The following RNF121 variants were observed in gnomAD, a reference collection of about 807,000 sequenced individuals.
The protein encoded by RNF121 is E3 ubiquitin ligase RNF121.
Under a neutral mutation model 46.5 loss-of-function variants are expected in RNF121, and 21 were observed. The ratio of observed to expected loss-of-function variants is 0.45; its 90% CI spans 0.32 to 0.65. The LOEUF is 0.65. Among genes scored for constraint, RNF121 ranks in the 30% least tolerant of loss-of-function variants. The pLI, the probability that RNF121 is intolerant of heterozygous loss-of-function variation, is 0.04. For missense variants in RNF121, 346 were observed against 416.0 expected (o/e 0.83, Z 1.46); for synonymous variants, 139 against 144.7 (o/e 0.96, Z 0.28).
At chr11:71,971,483 AAAGAT>A (rs1205664722) in intron 3 of RNF121, among the ~76,000 whole-genome samples, 1 of 152,232 alleles carries the variant, frequency 6.6e-6, no homozygotes, top group African/African-American at 2.4e-5. Flanking sequence ...CTGTTCTGTT[AAAGAT>A]ATGATAGGCA....
In RNF121 at chr11:71,996,471, A is replaced by C; in HGVS notation, c.*156A>C. On this transcript the variant is annotated 3_prime_UTR_variant, in exon 9 of 9. Coordinates refer to ENST00000361756, the MANE Select transcript of RNF121 (RefSeq NM_018320.5). The stretch of plus-strand genomic sequence containing the variant: ...CTGTGTCGGACTGGGGAGGGATATG[A>C]TGGAGAGCCAGCCAGTGGGGCTGTC... 1 of 786,432 alleles carries C rather than the reference A, an allele frequency of 1.3e-6. No individual in the cohort carries two copies. The highest frequency in any genetic ancestry group is 2.0e-6 in the Non-Finnish European group (1 of 511,408). 48.7% of individuals were successfully genotyped at this position (786,432 alleles called of 1,614,324 possible).
At position 71,982,746 on chromosome 11, in the gene RNF121, G is replaced by A. The variant is rs1269465363; in HGVS notation, c.244-15G>A. On this transcript the variant is annotated splice_polypyrimidine_tract_variant and intron_variant, in intron 3 of 8. Coordinates refer to ENST00000361756, the MANE Select transcript of RNF121 (RefSeq NM_018320.5). Reference sequence around the variant, plus strand: ...GGAGCTGGCCAGAGCTGAAGTGCTTGTGTTTGTGTTTCAGATGGTGACCCT... The same window carrying A: ...GGAGCTGGCCAGAGCTGAAGTGCTTATGTTTGTGTTTCAGATGGTGACCCT... 1.2e-6 allele frequency: 2 copies of A among 1,602,106 alleles called. No homozygotes were observed. Among genetic ancestry groups the A allele is most frequent in the Non-Finnish European group, 1.7e-6 (2 of 1,174,552 alleles).
intron 5 of RNF121, among the ~76,000 whole-genome samples, chr11:71,989,673 T>A (rs557376360): frequency 6.6e-6 from 1 of 152,280 alleles, no homozygotes; most frequent in African/African-American, 2.4e-5. Flanking sequence ...AGGTTGCAAA[T>A]TATCGGTCCT....
intron 4 of RNF121, among the ~76,000 whole-genome samples, chr11:71,985,590 G>A (rs1302448341): frequency 6.6e-6 from 1 of 152,160 alleles, no homozygotes; most frequent in Non-Finnish European, 1.5e-5. Flanking sequence ...ATCACTGCTT[G>A]CCTGGCCACA....
At position 71,967,484 on chromosome 11, in the gene RNF121, G is replaced by A. The variant is rs376137866; in HGVS notation, c.243+6593G>A. On this transcript the variant is annotated intron_variant, in intron 3 of 8. Coordinates refer to ENST00000361756, the MANE Select transcript of RNF121 (RefSeq NM_018320.5). ...TCTGCCTCAGCCTCCCAAGTAGCTG[G>A]GACTACAGGTTCATGCCACCACACC... Among the ~76,000 whole-genome samples the A allele has an allele frequency of 2.5e-4, 38 of 151,062 alleles. 1 individual carries two copies. In the South Asian group the frequency reaches 7.5e-3, roughly 30 times the overall value.
At chr11:71,974,467 G>T (rs1254672520) in intron 3 of RNF121, among the ~76,000 whole-genome samples, 16 of 152,168 alleles carry the variant, frequency 1.1e-4, no homozygotes, top group Admixed American at 1.0e-3. Flanking sequence ...CCTCCTAACA[G>T]CTCTGTAAGG....
intron 4 of RNF121, among the ~76,000 whole-genome samples, chr11:71,986,449 C>G (rs547725481): frequency 8.5e-5 from 13 of 152,298 alleles, no homozygotes; most frequent in African/African-American, 2.4e-4. Flanking sequence ...TTTTAGGAAT[C>G]TTTTCCTTGG....
At chr11:71,977,822 G>A (rs1254461592) in intron 3 of RNF121, among the ~76,000 whole-genome samples, 1 of 152,176 alleles carries the variant, frequency 6.6e-6, no homozygotes, top group African/African-American at 2.4e-5. Flanking sequence ...TAATTCATGT[G>A]TTTATATCGC....
intron 1 of RNF121, among the ~76,000 whole-genome samples, chr11:71,942,766 A>G (rs1213449546): frequency 2.0e-5 from 1 of 50,328 alleles, no homozygotes; most frequent in Non-Finnish European, 4.8e-5. Flanking sequence ...AAAAATCTAT[A>G]TATCTGTATA....
intron 6 of RNF121, among the ~76,000 whole-genome samples, chr11:71,992,500 C>CT (rs1234560684): frequency 6.6e-6 from 1 of 152,142 alleles, no homozygotes; most frequent in Admixed American, 6.5e-5. Flanking sequence ...GAACTGAACT[C>CT]TTGTTTCTAT....
intron 3 of RNF121, among the ~76,000 whole-genome samples, chr11:71,966,347 C>A (rs971359592): frequency 1.3e-5 from 2 of 152,134 alleles, no homozygotes; most frequent in African/African-American, 4.8e-5. Context: ...CGAAGTAATA[C>A]ATACCATAGT....
Position 71,960,711 on chromosome 11 carries a change from C to T in RNF121, c.102-39C>T. ...AAGCACTGTCCCTTTATCACTACAGCATCCCTGACTTGATTCACCCCATGT... is the reference window on the plus strand; with the variant it reads ...AAGCACTGTCCCTTTATCACTACAGTATCCCTGACTTGATTCACCCCATGT... On this transcript the variant is annotated intron_variant, in intron 2 of 8. Transcript: ENST00000361756. 1.9e-6 allele frequency: 3 copies of T among 1,597,442 alleles called. No homozygotes were observed. In the Admixed American group the frequency reaches 5.1e-5, roughly 27 times the overall value.
At chr11:71,981,054 CT>C (rs914037506) in intron 3 of RNF121, among the ~76,000 whole-genome samples, 114 of 144,924 alleles carry the variant, frequency 7.9e-4, no homozygotes, top group Admixed American at 8.3e-4. Context: ...TAAATACTTT[CT>C]TTTTTTTTTT....
At chr11:71,989,102 T>G (rs1590814408) in intron 5 of RNF121, among the ~76,000 whole-genome samples, 1 of 114,010 alleles carries the variant, frequency 8.8e-6, no homozygotes. Context: ...TTGTTTGTTT[T>G]GAGATGGAGT....
At chr11:71,966,622 C>T (rs910528524) in intron 3 of RNF121, among the ~76,000 whole-genome samples, 1 of 151,774 alleles carries the variant, frequency 6.6e-6, no homozygotes, top group African/African-American at 2.4e-5. Flanking sequence ...GCTAGGACTA[C>T]AGGTACACAC....
At chr11:71,957,427 TTA>T (rs1954015052) in intron 2 of RNF121, among the ~76,000 whole-genome samples, 163 bp downstream of exon 2, 4 of 152,214 alleles carry the variant, frequency 2.6e-5, no homozygotes. Context: ...GGTTGCTCTC[TTA>T]GTCTTGAATG....
chr11:71,995,548 A>G lies in RNF121; in HGVS notation c.860A>G (p.Asn287Ser). 1.3e-6 allele frequency: 2 copies of G among 1,581,900 alleles called. No individual in the cohort carries two copies. The highest frequency in any genetic ancestry group is 2.3e-5 in the East Asian group (1 of 43,804). The change falls in exon 8 of 9, where the codon AAT becomes AGT. Residue 287 changes from asparagine to serine, a missense_variant. Coordinates refer to ENST00000361756, the MANE Select transcript of RNF121 (RefSeq NM_018320.5). The stretch of plus-strand genomic sequence containing the variant: ...GTAGACCTCAAGAGGATGTTCAGCA[A>G]TCCGTATCCTTTATTGGGGTCGTTG... ...EKVDLKRMFS[N>S]PWERPHVMYG...
At position 71,929,102 on chromosome 11, in the gene RNF121, C is replaced by T. The variant is rs565556094; in HGVS notation, c.41C>T (p.Ala14Val). 43 of 1,551,544 alleles carry T rather than the reference C, an allele frequency of 2.8e-5. No individual in the cohort carries two copies. The highest frequency in any genetic ancestry group is 3.5e-5 in the Non-Finnish European group (40 of 1,147,018). Residue 14 changes from alanine to valine, a missense_variant, in exon 1 of 9, where the codon GCT (alanine) becomes GTT (valine). By Grantham distance (64) the Ala-to-Val change is moderately conservative. Coordinates refer to ENST00000361756, the MANE Select transcript of RNF121 (RefSeq NM_018320.5). ...GAGGTGGAGGTTGGAGGTGGTGCTG[C>T]TGGGGAACGGGAGCTGGATGAGGTA... ...VVEVEVGGGAAGERELDEVDM... is the reference protein window; with the variant it reads ...VVEVEVGGGAVGERELDEVDM...
chr11:71,990,839 G>T, intron 6 of RNF121, 122 bp downstream of exon 6: 2 of 1,196,352 alleles, frequency 1.7e-6, no homozygotes, highest in East Asian at 2.4e-5. Flanking sequence ...AATCCTTCAA[G>T]ATGTGCATAT....
Sources: allele counts gnomAD v4.1 joint callset (sites outside exome capture counted in the v4.1 genomes callset), GRCh38; gene constraint gnomAD v4.1.1; transcripts MANE v1.5; gene names NCBI Gene and HGNC (gene_info 2026-07-23, HGNC 2026-07-21).